Variants in UTRN observed in about 807,000 individuals in gnomAD.
The protein encoded by UTRN is dystrophin-related protein 1.
Under a neutral mutation model 463.9 loss-of-function variants are expected in UTRN, and 283 were observed. The observed-to-expected ratio is 0.61, with a 90% CI of 0.55 to 0.67. The LOEUF (loss-of-function observed/expected upper bound fraction) is 0.67. Ranked by LOEUF, UTRN falls within the 30% of genes least tolerant of loss-of-function variation. The pLI is 0.00. For synonymous variants in UTRN, 1,442 were observed against 1,431.5 expected (o/e 1.01, Z -0.17); for missense variants, 3,922 against 4,084.3 (o/e 0.96, Z 1.08).
At chr6:144,295,393 T>A (rs1227803570) in intron 2 of UTRN, among the ~76,000 whole-genome samples, 1 of 152,232 alleles carries the variant, frequency 6.6e-6, no homozygotes, top group Non-Finnish European at 1.5e-5. Context: ...ACCTCAGGGC[T>A]AAGGACAGTG....
intron 34 of UTRN, among the ~76,000 whole-genome samples, chr6:144,501,442 A>AT (rs201502242): frequency 7.3e-4 from 111 of 152,000 alleles, no homozygotes; most frequent in African/African-American, 1.7e-3. Flanking sequence ...AAACAATGCT[A>AT]TTTTTTTTCA....
chr6:144,349,871 A>T (rs966918556), intron 2 of UTRN, among the ~76,000 whole-genome samples: 8 of 152,182 alleles, frequency 5.3e-5, no homozygotes, highest in African/African-American at 1.9e-4. Flanking sequence ...GTTAGATAGG[A>T]TCTGGACACA....
rs77658965 is a variant in UTRN, at chr6:144,771,068, G to A, written c.8496-839G>A. ...CACTACTTCTGCTGTTGGAGGATTCGTTCTGAATGATAATCTACATCTGTT... is the reference window on the plus strand; with the variant it reads ...CACTACTTCTGCTGTTGGAGGATTCATTCTGAATGATAATCTACATCTGTT... On this transcript the variant is annotated intron_variant, in intron 58 of 74. Transcript: ENST00000367545. 2.6e-3 allele frequency among the ~76,000 whole-genome samples: 401 copies of A among 152,272 alleles called. 1 individual carries two copies. Among genetic ancestry groups the A allele is most frequent in the African/African-American group, 5.1e-3 (211 of 41,572 alleles).
intron 3 of UTRN, among the ~76,000 whole-genome samples, chr6:144,414,303 C>T (rs1784183967): frequency 6.6e-6 from 1 of 152,026 alleles, no homozygotes; most frequent in African/African-American, 2.4e-5. Flanking sequence ...TGATCCTCAC[C>T]CTGTGTAGGC....
In UTRN at chr6:144,523,069, A is replaced by T. The variant is rs1407362073; in HGVS notation, c.5787A>T (p.Glu1929Asp). The T allele has an allele frequency of 6.2e-7, 1 of 1,613,360 alleles. No homozygotes were observed. The highest frequency in any genetic ancestry group is 2.2e-5 in the East Asian group (1 of 44,848). Residue 1929 changes from glutamate to aspartate, a missense_variant, in exon 41 of 75, where the codon GAA becomes GAT. Around this residue, in one of 3 missense-constraint regions of UTRN, gnomAD observed 2,349 missense variants for 2,303.8 expected, o/e 1.02. Transcript: ENST00000367545. ...GAGAGCAGATTGCAGTCATTCATGA[A>T]AAACAGCCAGATGTCATCCTTGAAG... ...KLGEQIAVIH[E>D]KQPDVILEAS...
At chr6:144,811,226 CT>C (rs2128750020) in intron 65 of UTRN, among the ~76,000 whole-genome samples, 1 of 152,256 alleles carries the variant, frequency 6.6e-6, no homozygotes, top group East Asian at 1.9e-4. Flanking sequence ...CTTTCCACCC[CT>C]GCCAGCATCA....
intron 52 of UTRN, among the ~76,000 whole-genome samples, chr6:144,699,347 G>A (rs112463241): frequency 0.038 from 5,763 of 151,768 alleles, 234 homozygotes; most frequent in Admixed American, 0.13. Context: ...GGCTGAGGCA[G>A]CAGAATAGTT....
chr6:144,561,173 A>G (rs1446212518), intron 50 of UTRN, among the ~76,000 whole-genome samples: 2 of 138,912 alleles, frequency 1.4e-5, no homozygotes, highest in African/African-American at 5.2e-5. Flanking sequence ...TTTTAGCTGT[A>G]TATATTTTGG....
intron 34 of UTRN, among the ~76,000 whole-genome samples, chr6:144,501,875 A>G (rs1011026731): frequency 5.3e-5 from 8 of 152,130 alleles, no homozygotes; most frequent in African/African-American, 1.9e-4. Context: ...TTTCTACTTG[A>G]CATCATGTTT....
chr6:144,444,193 G>A (rs1584808074), intron 13 of UTRN, 88 bp from the exon 14 acceptor site: 2 of 1,078,792 alleles, frequency 1.9e-6, no homozygotes, highest in East Asian at 2.9e-5. Flanking sequence ...CTATAATAAA[G>A]AACAATGGAA....
chr6:144,320,105 G>A (rs767329295), intron 2 of UTRN, among the ~76,000 whole-genome samples: 3 of 150,256 alleles, frequency 2.0e-5, no homozygotes, highest in Admixed American at 1.3e-4. Flanking sequence ...GCCCGCCTCC[G>A]CCTCCCAAAG....
intron 4 of UTRN, among the ~76,000 whole-genome samples, chr6:144,422,283 G>A (rs1188446723): frequency 2.0e-5 from 3 of 152,200 alleles, no homozygotes; most frequent in Non-Finnish European, 4.4e-5. Flanking sequence ...GAACAGTAGA[G>A]TCTGGAGACA....
intron 66 of UTRN, among the ~76,000 whole-genome samples, chr6:144,824,912 AGCT>A (rs1349760875): frequency 1.3e-5 from 2 of 151,862 alleles, no homozygotes; most frequent in Non-Finnish European, 2.9e-5. Context: ...CCTCCCAAGA[AGCT>A]GGGACTATAG....
intron 39 of UTRN, among the ~76,000 whole-genome samples, chr6:144,518,335 G>A (rs1465500007): frequency 6.6e-6 from 1 of 152,136 alleles, no homozygotes; most frequent in Non-Finnish European, 1.5e-5. Context: ...TTAAATGCAA[G>A]GTCTGTCAAT....
At chr6:144,610,195 G>GA (rs201526027) in intron 51 of UTRN, among the ~76,000 whole-genome samples, 1,065 of 105,762 alleles carry the variant, frequency 0.01, 6 homozygotes, top group East Asian at 0.048. Context: ...GACTAACCAA[G>GA]AAAAAAAAAA....
At chr6:144,584,323 T>C (rs1354665197) in intron 51 of UTRN, among the ~76,000 whole-genome samples, 1 of 152,178 alleles carries the variant, frequency 6.6e-6, no homozygotes, top group East Asian at 1.9e-4. Flanking sequence ...ACTATGTTGA[T>C]ACTATGTCAT....
intron 53 of UTRN, among the ~76,000 whole-genome samples, chr6:144,722,566 A>G (rs1787318401): frequency 6.6e-6 from 1 of 152,168 alleles, no homozygotes; most frequent in African/African-American, 2.4e-5. Flanking sequence ...GACATGCTTC[A>G]AACAATAGAC....
At chr6:144,845,028 C>G (rs1246350791) in intron 73 of UTRN, among the ~76,000 whole-genome samples, 1 of 152,228 alleles carries the variant, frequency 6.6e-6, no homozygotes, top group African/African-American at 2.4e-5. Flanking sequence ...CGTTTTTTAA[C>G]TGTGTCTACA....
At chr6:144,664,953 T>C (rs1430019922) in intron 51 of UTRN, among the ~76,000 whole-genome samples, 1 of 152,122 alleles carries the variant, frequency 6.6e-6, no homozygotes, top group African/African-American at 2.4e-5. Flanking sequence ...GCTGAGCTCC[T>C]GATAATAATT....
Sources: allele counts gnomAD v4.1 joint callset (sites outside exome capture counted in the v4.1 genomes callset), GRCh38; gene constraint gnomAD v4.1.1; regional missense constraint gnomAD v4.1.1; transcripts MANE v1.5; gene names NCBI Gene and HGNC (gene_info 2026-07-23, HGNC 2026-07-21).